The following GRM5 variants were observed in gnomAD, a reference collection of about 807,000 sequenced individuals.
The protein encoded by GRM5 is glutamate metabotropic receptor 5.
In GRM5, 19 loss-of-function variants were observed where a neutral mutation model predicts 83.1. The ratio of observed to expected loss-of-function variants is 0.23; its 90% confidence interval spans 0.16 to 0.34. The LOEUF (loss-of-function observed/expected upper bound fraction) is 0.34, where lower values mean the gene tolerates loss of function less well. Among genes scored for constraint, GRM5 ranks in the 10% least tolerant of loss-of-function variants. The pLI is 1.00. For missense variants in GRM5, 1,160 were observed against 1,588.3 expected (o/e 0.73, Z 4.58); for synonymous variants, 675 against 633.6 (o/e 1.07, Z -0.98).
intron 2 of GRM5, among the ~76,000 whole-genome samples, chr11:89,045,173 C>A (rs1941616369): frequency 6.6e-6 from 1 of 152,088 alleles, no homozygotes; most frequent in African/African-American, 2.4e-5. Context: ...AAATATTTTG[C>A]CTGAATTTGG....
chr11:89,053,520 T>A (rs1436536302), intron 1 of GRM5, among the ~76,000 whole-genome samples: 4 of 152,156 alleles, frequency 2.6e-5, no homozygotes, highest in Admixed American at 1.3e-4. Context: ...TATAAATGTT[T>A]ATTCAGTAGC....
At position 88,945,444 on chromosome 11, in the gene GRM5, T is replaced by G. The variant is rs560465798; in HGVS notation, c.662-95289A>C. ...AGAGCCTGAATACCCAAAGCAACTC[T>G]AACCAAAAAGAACAAAGCCAGATAC... On this transcript the variant is annotated intron_variant, in intron 2 of 9. Transcript: ENST00000305447. Among the ~76,000 whole-genome samples the G allele has an allele frequency of 5.3e-5, 8 of 152,134 alleles. No homozygotes were observed. In the East Asian group the frequency reaches 1.5e-3, roughly 29 times the overall value.
chr11:89,048,657 A>C (rs1941694382), intron 1 of GRM5, among the ~76,000 whole-genome samples: 1 of 152,228 alleles, frequency 6.6e-6, no homozygotes, highest in African/African-American at 2.4e-5. Flanking sequence ...GTATTGTCTA[A>C]TTAATGTGGA....
rs1194098388 is a variant in GRM5, at chr11:88,570,571, A to ATTTTTTTTT, written c.1691-2588_1691-2580dup. Among the ~76,000 whole-genome samples the ATTTTTTTTT allele has an allele frequency of 1.0e-3, 47 of 46,378 alleles. 4 individuals carry two copies. Among genetic ancestry groups the ATTTTTTTTT allele is most frequent in the African/African-American group, 5.5e-3 (41 of 7,488 alleles). 30.4% of individuals were successfully genotyped at this position (46,378 alleles called of 152,430 possible). A position where few individuals can be genotyped will look rare whatever the true frequency, so the allele number is the denominator to read the frequency against. On this transcript the variant is annotated intron_variant, in intron 7 of 9. Coordinates refer to ENST00000305447, the MANE Select transcript of GRM5 (RefSeq NM_001143831.3). ...TAATAATATATATATATATATATATATTTTTTTTTTTTTTTTTTTTTTTTT... is the reference window on the plus strand; with the variant it reads ...TAATAATATATATATATATATATATATTTTTTTTTTTTTTTTTTTTTTTTTTTTTTTTTT...
At chr11:88,513,280 G>A (rs1213786329) in intron 9 of GRM5, among the ~76,000 whole-genome samples, 2 of 152,116 alleles carry the variant, frequency 1.3e-5, no homozygotes, top group Non-Finnish European at 2.9e-5. Flanking sequence ...TATATGCCCA[G>A]TAGTACCCAT....
chr11:88,761,496 G>A (rs993033786), intron 3 of GRM5, among the ~76,000 whole-genome samples: 4 of 152,006 alleles, frequency 2.6e-5, no homozygotes, highest in African/African-American at 9.7e-5. Flanking sequence ...AGCTAACCAG[G>A]AATGTGAAAG....
intron 4 of GRM5, among the ~76,000 whole-genome samples, chr11:88,609,424 G>T (rs942767453): frequency 6.6e-6 from 1 of 152,072 alleles, no homozygotes; most frequent in Non-Finnish European, 1.5e-5. Context: ...CCACTGATGG[G>T]CATCTTGGTT....
intron 2 of GRM5, among the ~76,000 whole-genome samples, chr11:88,893,428 A>G (rs1353151043): frequency 6.6e-6 from 1 of 151,986 alleles, no homozygotes; most frequent in Non-Finnish European, 1.5e-5. Flanking sequence ...TACCTGTCCT[A>G]AAAAGAATAG....
intron 2 of GRM5, among the ~76,000 whole-genome samples, chr11:88,989,430 CTG>C (rs1320584940): frequency 1.7e-5 from 2 of 117,890 alleles, no homozygotes; most frequent in Admixed American, 9.1e-5. Flanking sequence ...TAACACCCCA[CTG>C]TCAACATTAG....
chr11:88,810,669 G>A (rs954901969), intron 3 of GRM5, among the ~76,000 whole-genome samples: 2 of 152,062 alleles, frequency 1.3e-5, no homozygotes, highest in Non-Finnish European at 1.5e-5. Flanking sequence ...CTGAGAAGCT[G>A]TATTTGTGTC....
At chr11:88,694,822 C>T (rs1428191280) in intron 3 of GRM5, among the ~76,000 whole-genome samples, 5 of 152,194 alleles carry the variant, frequency 3.3e-5, no homozygotes, top group Middle Eastern at 6.8e-3. Flanking sequence ...TTACATGGTA[C>T]TCTCGGGACA....
intron 2 of GRM5, among the ~76,000 whole-genome samples, chr11:88,903,837 CT>C (rs1294284825): frequency 6.6e-6 from 1 of 152,170 alleles, no homozygotes; most frequent in Non-Finnish European, 1.5e-5. Flanking sequence ...AAAGATCTGA[CT>C]TTACCGCTGT....
chr11:88,663,874 A>C lies in GRM5; in HGVS notation c.912-10471T>G, dbSNP rs367841567. On this transcript the variant is annotated intron_variant, in intron 3 of 9. Transcript: ENST00000305447. Reference sequence around the variant, plus strand: ...AATTTTTTTATTGAACACCTAAGCAATAAGACAGGCTTCAAGAGGATATCA... The same window carrying C: ...AATTTTTTTATTGAACACCTAAGCACTAAGACAGGCTTCAAGAGGATATCA... Among the ~76,000 whole-genome samples the C allele has an allele frequency of 1.8e-4, 27 of 152,346 alleles. No individual in the cohort carries two copies. The Middle Eastern group carries it at 0.014, about 77-fold the overall frequency.
At chr11:88,957,298 G>A (rs1938649668) in intron 2 of GRM5, among the ~76,000 whole-genome samples, 1 of 152,204 alleles carries the variant, frequency 6.6e-6, no homozygotes, top group South Asian at 2.1e-4. Context: ...GGCGGATGGA[G>A]AAGAGACTAA....
intron 2 of GRM5, among the ~76,000 whole-genome samples, chr11:88,858,666 C>G (rs1009544065): frequency 6.6e-6 from 1 of 151,982 alleles, no homozygotes; most frequent in Admixed American, 6.6e-5. Flanking sequence ...GCCCTGGAAT[C>G]GAAAGTTGAT....
intron 2 of GRM5, among the ~76,000 whole-genome samples, chr11:89,005,638 G>A (rs915857788): frequency 2.0e-5 from 3 of 152,108 alleles, no homozygotes; most frequent in Admixed American, 6.5e-5. Flanking sequence ...GAGATTCTGC[G>A]AGTATTAAAT....
At chr11:88,741,997 A>T (rs1942039826) in intron 3 of GRM5, among the ~76,000 whole-genome samples, 1 of 152,044 alleles carries the variant, frequency 6.6e-6, no homozygotes, top group Non-Finnish European at 1.5e-5. Flanking sequence ...ATTCATGAAA[A>T]CCACCCCCAC....
chr11:88,889,873 C>T (rs1410999368), intron 2 of GRM5, among the ~76,000 whole-genome samples: 14 of 152,134 alleles, frequency 9.2e-5, no homozygotes, highest in Admixed American at 9.2e-4. Flanking sequence ...AAAAAAAACC[C>T]TTTCTTTTCC....
At chr11:88,663,996 A>T (rs900426508) in intron 3 of GRM5, among the ~76,000 whole-genome samples, 1 of 152,140 alleles carries the variant, frequency 6.6e-6, no homozygotes, top group East Asian at 1.9e-4. Context: ...TTTTCCTCAT[A>T]CTTTCCTCAA....
Sources: allele counts gnomAD v4.1 joint callset (sites outside exome capture counted in the v4.1 genomes callset), GRCh38; gene constraint gnomAD v4.1.1; transcripts MANE v1.5; gene names NCBI Gene and HGNC (gene_info 2026-07-23, HGNC 2026-07-21).